Variants in TRPV4 observed in about 807,000 individuals in gnomAD.
The protein encoded by TRPV4 is OSM9-like transient receptor potential channel 4.
Under a neutral mutation model 84.1 loss-of-function variants are expected in TRPV4, and 58 were observed. The observed-to-expected ratio is 0.69, with a 90% CI of 0.56 to 0.86. The LOEUF is 0.86. TRPV4 is among the 40% of genes least tolerant of loss of function. The pLI, the probability that TRPV4 is intolerant of heterozygous loss-of-function variation, is 0.00. For synonymous variants in TRPV4, 489 were observed against 500.9 expected, an observed-to-expected ratio of 0.98 and a Z score of 0.32; for missense variants, 879 against 1,181.1, an observed-to-expected ratio of 0.74 and a Z score of 3.75.
rs80260606 is a variant in TRPV4 at position 109,815,955 on chromosome 12, T to C, written c.-31-1128A>G. On this transcript the variant is annotated intron_variant, in intron 1 of 15. Transcript: ENST00000261740. This position sits in a 1 kb window ranked among gnomAD's most constrained non-coding sequence, Gnocchi z 4.1. Reference sequence around the variant, plus strand: ...CAAGGCCCCACTGGTTGGCTGTCAGTGCCCTGCTCTCTGTAGCATGGTGCC... The same window carrying C: ...CAAGGCCCCACTGGTTGGCTGTCAGCGCCCTGCTCTCTGTAGCATGGTGCC... Among the ~76,000 whole-genome samples the C allele has an allele frequency of 0.027, 4,090 of 152,298 alleles. 193 individuals carry two copies. Among genetic ancestry groups the C allele is most frequent in the African/African-American group, 0.094 (3,893 of 41,550 alleles).
In TRPV4 at chr12:109,798,550, C is replaced by A; in HGVS notation, c.1152+64G>T. The A allele has an allele frequency of 6.3e-7, 1 of 1,588,144 alleles. No individual in the cohort carries two copies. Among genetic ancestry groups the A allele is most frequent in the East Asian group, 2.2e-5 (1 of 44,684 alleles). ...TAATAATGAATACCAGCAGCAGACC[C>A]TCGTGTGTGTGTGCAGAGGGGTACG... is the stretch of plus-strand genomic sequence containing the variant. On this transcript the variant is annotated intron_variant, in intron 6 of 15. Transcript: ENST00000261740. This position sits in a 1 kb window ranked among gnomAD's most constrained non-coding sequence, Gnocchi z 5.0.
At chr12:109,808,494 A>G (rs761269621) in intron 2 of TRPV4, 26 bp from the exon 3 acceptor site, 11 of 1,603,452 alleles carry the variant, frequency 6.9e-6, no homozygotes, top group Non-Finnish European at 9.4e-6. Flanking sequence ...AGGCAAGTTG[A>G]TGGGAGGGCT....
intron 6 of TRPV4, among the ~76,000 whole-genome samples, chr12:109,797,343 G>A (rs1890467619): frequency 2.0e-5 from 3 of 152,012 alleles, no homozygotes; most frequent in African/African-American, 2.4e-5. Context: ...TAGTAGAGAC[G>A]GGGTTTCACC....
rs1890439013 is a variant in TRPV4, at chr12:109,796,898, G to A, written c.1153-194C>T. Among the ~76,000 whole-genome samples, 1 of 152,158 alleles carries A rather than the reference G, an allele frequency of 6.6e-6. No homozygotes were observed. On this transcript the variant is annotated intron_variant, in intron 6 of 15. Transcript: ENST00000261740. This position sits in a 1 kb window ranked among gnomAD's most constrained non-coding sequence, Gnocchi z 4.2. ...AGAATGGAGGCTGGGAAAAACGAAG[G>A]GTGTTCCAGAAGCCACTTAACCAGT...
chr12:109,798,306 G>A lies in TRPV4; in HGVS notation c.1152+308C>T, dbSNP rs1020049243. On this transcript the variant is annotated intron_variant, in intron 6 of 15. Transcript: ENST00000261740. The surrounding 1 kb of genome is among the most constrained non-coding windows in gnomAD (Gnocchi z 5.0). ...AGGGCCATTCAACAGGTTTGAGGCT[G>A]GGAGCACCGCTGGGCTAGGGCCCGG... is the stretch of plus-strand genomic sequence containing the variant. Among the ~76,000 whole-genome samples the A allele has an allele frequency of 2.3e-4, 35 of 152,196 alleles. No homozygotes were observed. Among genetic ancestry groups the A allele is most frequent in the African/African-American group, 7.7e-4 (32 of 41,446 alleles).
At chr12:109,821,929 G>A (rs573863993) in intron 1 of TRPV4, among the ~76,000 whole-genome samples, 1 of 152,268 alleles carries the variant, frequency 6.6e-6, no homozygotes, top group South Asian at 2.1e-4. Flanking sequence ...CCAGCATTCA[G>A]CATGGTGCTG....
At chr12:109,805,175 C>T (rs929979895) in intron 3 of TRPV4, among the ~76,000 whole-genome samples, 1 of 152,260 alleles carries the variant, frequency 6.6e-6, no homozygotes, top group Non-Finnish European at 1.5e-5. Context: ...AGGGTGATGT[C>T]TGCTTTGCTC....
chr12:109,794,471 A>C lies in TRPV4; in HGVS notation c.1349T>G (p.Leu450Arg). The change falls in exon 8 of 16, where the codon CTG becomes CGG. Residue 450 changes from leucine (L) to arginine (R), a missense_variant. Transcript: ENST00000261740. ...NSKIENRHEM[L>R]AVEPINELLR... is the part of the protein sequence containing the mutation. ...CAGTTCATTGATGGGCTCCACAGCC[A>C]GCATCTCGTGGCGGTTCTAAGAGAG... is the stretch of plus-strand genomic sequence containing the variant. 6.2e-7 allele frequency: 1 copy of C among 1,613,972 alleles called. No homozygotes were observed. Among genetic ancestry groups the C allele is most frequent in the Non-Finnish European group, 8.5e-7 (1 of 1,179,988 alleles).
rs775344649 is a variant in TRPV4, at chr12:109,800,732, C to T, written c.739G>A (p.Glu247Lys). The T allele has an allele frequency of 1.2e-6, 2 of 1,613,904 alleles. No individual in the cohort carries two copies. The highest frequency in any genetic ancestry group is 2.2e-5 in the South Asian group (2 of 91,082). The part of the protein sequence containing the change: ...RGQTALHIAI[E>K]RRCKHYVELL... ...TCCACGTAGTGTTTGCAGCGACGCT[C>T]AATGGCGATGTGCAGGGCTGTCTGA... Residue 247 changes from glutamate to lysine, a missense_variant, in exon 5 of 16, where the codon GAG becomes AAG. Around this residue, in one of 4 missense-constraint regions of TRPV4, gnomAD observed 521 missense variants for 686.6 expected, o/e 0.76. Transcript: ENST00000261740.
At chr12:109,819,379 G>T (rs1051080114) in intron 1 of TRPV4, among the ~76,000 whole-genome samples, 7 of 152,136 alleles carry the variant, frequency 4.6e-5, no homozygotes, top group Non-Finnish European at 2.9e-5. Flanking sequence ...TGCCCACTGT[G>T]AGCAGGCATG....
intron 1 of TRPV4, among the ~76,000 whole-genome samples, chr12:109,831,711 C>A (rs77877120): frequency 0.1 from 15,489 of 152,262 alleles, 1,287 homozygotes; most frequent in African/African-American, 0.23. Flanking sequence ...CCATCCTCAC[C>A]GGAGCTCATG....
intron 14 of TRPV4, among the ~76,000 whole-genome samples, chr12:109,785,922 A>T (rs1296791752): frequency 2.0e-5 from 3 of 152,066 alleles, no homozygotes; most frequent in African/African-American, 7.2e-5. Context: ...CTGAGGTGGG[A>T]GGATCGCTTG....
At chr12:109,828,819 G>A (rs1226860360) in intron 1 of TRPV4, among the ~76,000 whole-genome samples, 3 of 152,224 alleles carry the variant, frequency 2.0e-5, no homozygotes, top group South Asian at 4.1e-4. Flanking sequence ...TCCTCTCTGA[G>A]TCTCGATTTC....
chr12:109,826,321 G>A (rs1198935734), intron 1 of TRPV4, among the ~76,000 whole-genome samples: 1 of 152,178 alleles, frequency 6.6e-6, no homozygotes, highest in Non-Finnish European at 1.5e-5. Flanking sequence ...ACCATGGCTG[G>A]CCCCTTCTAT....
intron 12 of TRPV4, among the ~76,000 whole-genome samples, chr12:109,791,550 T>C (rs1196122228): frequency 1.3e-5 from 2 of 148,274 alleles, no homozygotes; most frequent in African/African-American, 2.5e-5. Context: ...TGGTGCCATC[T>C]TGGCTTACTG....
At chr12:109,808,728 C>T (rs778590832) in intron 2 of TRPV4, among the ~76,000 whole-genome samples, 1 of 152,106 alleles carries the variant, frequency 6.6e-6, no homozygotes, top group Non-Finnish European at 1.5e-5. Flanking sequence ...CCCATCCATC[C>T]ACACATCCAC....
chr12:109,798,597 C>A lies in TRPV4; in HGVS notation c.1152+17G>T. 6.2e-7 allele frequency: 1 copy of A among 1,608,804 alleles called. No homozygotes were observed. Among genetic ancestry groups the A allele is most frequent in the South Asian group, 1.1e-5 (1 of 91,030 alleles). ...TACGAGTAGGTGGATCAGCTGTGCC[C>A]CCAGCCGCACACTCACCCCAATCTT... On this transcript the variant is annotated intron_variant, in intron 6 of 15. Coordinates refer to ENST00000261740, the MANE Select transcript of TRPV4 (RefSeq NM_021625.5). The surrounding 1 kb of genome is among the most constrained non-coding windows in gnomAD (Gnocchi z 5.0).
In TRPV4 at chr12:109,796,649, G is replaced by A; in HGVS notation, c.1208C>T (p.Ser403Phe). Residue 403 changes from serine (S) to phenylalanine (F), a missense_variant, in exon 7 of 16, where the codon TCC (serine) becomes TTC (phenylalanine). Coordinates refer to ENST00000261740, the MANE Select transcript of TRPV4 (RefSeq NM_021625.5). This position sits in a 1 kb window ranked among gnomAD's most constrained non-coding sequence, Gnocchi z 4.2. ...ATAGGCCCAGTCCTTGAACTTGCGG[G>A]ACAGGTGCCGTGTGTCCTCATCCGT... ...EVTDEDTRHL[S>F]RKFKDWAYGP... 6.2e-7 allele frequency: 1 copy of A among 1,614,166 alleles called. No individual in the cohort carries two copies. The highest frequency in any genetic ancestry group is 8.5e-7 in the Non-Finnish European group (1 of 1,180,032).
chr12:109,827,475 C>G (rs564148559), intron 1 of TRPV4, among the ~76,000 whole-genome samples: 2 of 152,136 alleles, frequency 1.3e-5, no homozygotes, highest in Admixed American at 1.3e-4. Context: ...ACCCATGGGT[C>G]AGTCAACCCC....
Sources: allele counts gnomAD v4.1 joint callset (sites outside exome capture counted in the v4.1 genomes callset), GRCh38; gene constraint gnomAD v4.1.1; regional missense constraint gnomAD v4.1.1; non-coding constraint Gnocchi (gnomAD v3.1); transcripts MANE v1.5; gene names NCBI Gene and HGNC (gene_info 2026-07-23, HGNC 2026-07-21).